Variants in ANKRD17 observed in about 807,000 individuals in gnomAD.
The protein encoded by ANKRD17 is ankyrin repeat domain 17.
Under a neutral mutation model 229.7 loss-of-function variants are expected in ANKRD17, and 19 were observed. The ratio of observed to expected loss-of-function variants is 0.08; its 90% confidence interval spans 0.06 to 0.12. The LOEUF (loss-of-function observed/expected upper bound fraction) is 0.12. Ranked by LOEUF, ANKRD17 falls within the 10% of genes least tolerant of loss-of-function variation. The probability of loss-of-function intolerance (pLI) is 1.00; values close to 1 mark genes in which losing one functional copy is unlikely to be tolerated. For missense variants in ANKRD17, 2,176 were observed against 3,176.8 expected (o/e 0.68, Z 7.57); for synonymous variants, 1,112 against 1,146.1 (o/e 0.97, Z 0.60).
intron 1 of ANKRD17, among the ~76,000 whole-genome samples, chr4:73,179,858 T>C (rs1465893195): frequency 6.6e-6 from 1 of 152,002 alleles, no homozygotes; most frequent in Non-Finnish European, 1.5e-5. Flanking sequence ...AAGCAAATTT[T>C]TGGGCACAGC....
chr4:73,227,177 G>A (rs1040287083), intron 1 of ANKRD17, among the ~76,000 whole-genome samples: 1 of 151,908 alleles, frequency 6.6e-6, no homozygotes, highest in Non-Finnish European at 1.5e-5. Context: ...TTTTTGAGAC[G>A]GAGTCTTGCT....
intron 1 of ANKRD17, among the ~76,000 whole-genome samples, chr4:73,179,327 T>A (rs944395742): frequency 6.7e-6 from 1 of 150,312 alleles, no homozygotes; most frequent in African/African-American, 2.4e-5. Context: ...TACATTAACT[T>A]TAATTAATCT....
Position 73,143,819 on chromosome 4 carries a change from T to A in ANKRD17, c.1957+926A>T, listed in dbSNP as rs1243763519. Among the ~76,000 whole-genome samples the A allele has an allele frequency of 5.3e-5, 8 of 152,214 alleles. No homozygotes were observed. The East Asian group carries it at 1.4e-3, about 26-fold the overall frequency. Reference sequence around the variant, plus strand: ...GCAGTGGCACAATCATAGCTCACTATAATCTTGAACTCCTGAGCCCAAGTG... The same window carrying A: ...GCAGTGGCACAATCATAGCTCACTAAAATCTTGAACTCCTGAGCCCAAGTG... On this transcript the variant is annotated intron_variant, in intron 11 of 33. Transcript: ENST00000358602.
At chr4:73,122,260 A>T (rs1560550429) in intron 18 of ANKRD17, among the ~76,000 whole-genome samples, 10 of 152,156 alleles carry the variant, frequency 6.6e-5, no homozygotes, top group Admixed American at 6.5e-4. Context: ...TTTAGGTCCC[A>T]CCTACTGGCA....
chr4:73,094,655 TTA>T (rs539978898), intron 27 of ANKRD17, among the ~76,000 whole-genome samples: 37 of 151,034 alleles, frequency 2.4e-4, no homozygotes, highest in Non-Finnish European at 4.7e-4. Context: ...CACAAATGTA[TTA>T]TATATACATA....
chr4:73,130,410 C>CT (rs1029507711), intron 16 of ANKRD17, among the ~76,000 whole-genome samples: 2 of 151,942 alleles, frequency 1.3e-5, no homozygotes, highest in Non-Finnish European at 2.9e-5. Flanking sequence ...TTAAACTGTT[C>CT]TTTATATTGC....
intron 1 of ANKRD17, among the ~76,000 whole-genome samples, chr4:73,182,442 A>C (rs1424328675): frequency 6.6e-6 from 1 of 152,226 alleles, no homozygotes; most frequent in Non-Finnish European, 1.5e-5. Context: ...CCAAGAGACC[A>C]GTTATCCAAT....
Position 73,161,208 on chromosome 4 carries a change from C to T in ANKRD17, c.688G>A (p.Ala230Thr), listed in dbSNP as rs376790241. ...TRMRAESTANAGQSDNRSLAE... is the reference protein window; with the variant it reads ...TRMRAESTANTGQSDNRSLAE... ...TGTACTTACTTGTCCGACTGCCCTGCATTTGCTGTGCTTTCAGCTCTCATA... is the reference window on the plus strand; with the variant it reads ...TGTACTTACTTGTCCGACTGCCCTGTATTTGCTGTGCTTTCAGCTCTCATA... The change falls in exon 3 of 34, where the codon GCA becomes ACA. Residue 230 changes from alanine to threonine, a missense_variant. Physicochemically the swap from Ala to Thr is moderately conservative, Grantham distance 58. This residue lies in a region of ANKRD17 where 184 missense variants were observed against 357.8 expected (regional missense o/e 0.51). Transcript: ENST00000358602. 1 of 1,613,868 alleles carries T rather than the reference C, an allele frequency of 6.2e-7. No homozygotes were observed. Among genetic ancestry groups the T allele is most frequent in the Non-Finnish European group, 8.5e-7 (1 of 1,180,002 alleles).
At chr4:73,155,822 G>A (rs1356158174) in intron 4 of ANKRD17, 44 bp from the exon 5 acceptor site, 2 of 1,597,388 alleles carry the variant, frequency 1.3e-6, no homozygotes, top group South Asian at 1.1e-5. Context: ...GGAAATAATC[G>A]TCAAAAAATT....
At chr4:73,252,571 GGAA>G (rs1169824761) in intron 1 of ANKRD17, among the ~76,000 whole-genome samples, 3 of 152,052 alleles carry the variant, frequency 2.0e-5, no homozygotes, top group African/African-American at 7.2e-5. Flanking sequence ...AGAGCAGAAA[GGAA>G]GAAAAATAAA....
intron 25 of ANKRD17, chr4:73,100,965 A>G: frequency 3.0e-6 from 3 of 985,302 alleles, no homozygotes; most frequent in Non-Finnish European, 3.6e-6. Context: ...GAAAGTATTC[A>G]AAAAACAAAA....
intron 7 of ANKRD17, 98 bp downstream of exon 7, chr4:73,151,332 C>A (rs1560602740): frequency 9.4e-7 from 1 of 1,061,938 alleles, no homozygotes; most frequent in East Asian, 2.6e-5. Flanking sequence ...TTCTGACAAA[C>A]AGAATCATAG....
intron 24 of ANKRD17, among the ~76,000 whole-genome samples, chr4:73,113,526 A>G (rs1335954187): frequency 2.0e-5 from 3 of 152,346 alleles, no homozygotes; most frequent in East Asian, 3.9e-4. Flanking sequence ...AGCTGAGATA[A>G]GACTAAAATC....
intron 1 of ANKRD17, among the ~76,000 whole-genome samples, chr4:73,182,110 G>A (rs1412467671): frequency 1.8e-4 from 14 of 76,294 alleles, no homozygotes; most frequent in African/African-American, 5.7e-4. Flanking sequence ...GAAAGTATTC[G>A]AAAATATTTT....
rs1378705722 is a variant in ANKRD17, at chr4:73,218,300, C to T, written c.393+39976G>A. ...CAGATGGAATCAATGAAGTAAAATA[C>T]TAGTATTAAAATATGTATCTATGCA... On this transcript the variant is annotated intron_variant, in intron 1 of 33. Coordinates refer to ENST00000358602, the MANE Select transcript of ANKRD17 (RefSeq NM_032217.5). 2.6e-5 allele frequency among the ~76,000 whole-genome samples: 4 copies of T among 152,238 alleles called. No homozygotes were observed. The East Asian group carries it at 7.7e-4, about 29-fold the overall frequency.
At chr4:73,158,152 A>AAAAG (rs71215492) in intron 3 of ANKRD17, among the ~76,000 whole-genome samples, 8,338 of 128,756 alleles carry the variant, frequency 0.065, 472 homozygotes, top group East Asian at 0.2. Flanking sequence ...GAAAGGAAGA[A>AAAAG]AAAGAAAGAA....
At chr4:73,169,367 C>T (rs1343338776) in intron 2 of ANKRD17, among the ~76,000 whole-genome samples, 2 of 152,006 alleles carry the variant, frequency 1.3e-5, no homozygotes, top group Non-Finnish European at 2.9e-5. Context: ...AGACACAGTA[C>T]AATAGAATAT....
At chr4:73,179,506 ATATATATATATATT>A (rs1192331519) in intron 1 of ANKRD17, among the ~76,000 whole-genome samples, 2 of 79,240 alleles carry the variant, frequency 2.5e-5, no homozygotes, top group South Asian at 3.7e-4. Context: ...ATATATATAT[ATATATATATATATT>A]TTTTTTTTTT....
chr4:73,095,045 G>A (rs879759622), intron 27 of ANKRD17, among the ~76,000 whole-genome samples: 7 of 151,806 alleles, frequency 4.6e-5, no homozygotes, highest in Non-Finnish European at 2.9e-5. Context: ...ATGGTGGTGT[G>A]CACCTGTAAT....
Sources: gnomAD v4.1 joint callset for allele counts (sites outside exome capture counted in the v4.1 genomes callset) on GRCh38, gnomAD v4.1.1 for gene constraint, gnomAD v4.1.1 regional missense constraint, MANE v1.5 for transcripts, NCBI Gene and HGNC (gene_info 2026-07-23, HGNC 2026-07-21) for gene names.